WASL: variants seen among roughly 807,000 people sequenced by gnomAD.
WASL encodes the protein actin nucleation-promoting factor WASL.
WASL carries 20 observed loss-of-function variants against 55.5 expected under a neutral mutation model. The observed-to-expected ratio is 0.36, with a 90% CI of 0.25 to 0.52. WASL has a LOEUF of 0.52. Ranked by LOEUF, WASL falls within the 20% of genes least tolerant of loss-of-function variation. The pLI is 0.92. For synonymous variants in WASL, 249 were observed against 217.6 expected, an observed-to-expected ratio of 1.14 and a Z score of -1.27; for missense variants, 504 against 622.5, an observed-to-expected ratio of 0.81 and a Z score of 2.03.
In WASL at chr7:123,686,001, T is replaced by C. The variant is rs115441108; in HGVS notation, c.1457-1421A>G. 5.4e-3 allele frequency among the ~76,000 whole-genome samples: 819 copies of C among 150,562 alleles called. 9 individuals are homozygous for C. The highest frequency in any genetic ancestry group is 0.019 in the African/African-American group (787 of 41,274). ...AGCCAGTAAGACTAGGTGACATACGTGTGGGTTACATGTACAGAACACAGA... is the reference window on the plus strand; with the variant it reads ...AGCCAGTAAGACTAGGTGACATACGCGTGGGTTACATGTACAGAACACAGA... On this transcript the variant is annotated intron_variant, in intron 10 of 10. Coordinates refer to ENST00000223023, the MANE Select transcript of WASL (RefSeq NM_003941.4).
intron 1 of WASL, among the ~76,000 whole-genome samples, chr7:123,714,358 G>A (rs376540960): frequency 6.6e-5 from 10 of 152,074 alleles, no homozygotes; most frequent in African/African-American, 2.2e-4. Context: ...AAAGAAAAGA[G>A]AAAACAAACA....
intron 1 of WASL, among the ~76,000 whole-genome samples, chr7:123,739,937 T>A (rs1804307921): frequency 6.6e-6 from 1 of 150,886 alleles, no homozygotes; most frequent in Non-Finnish European, 1.5e-5. Flanking sequence ...TATATGCTGG[T>A]TTGCAGCATA....
At chr7:123,702,725 G>A (rs756895483) in intron 5 of WASL, among the ~76,000 whole-genome samples, 4 of 152,174 alleles carry the variant, frequency 2.6e-5, no homozygotes, top group Non-Finnish European at 4.4e-5. Context: ...GGTATTATGA[G>A]TACTCTACAG....
intron 1 of WASL, 24 bp downstream of exon 1, chr7:123,748,594 G>C (rs375466768): frequency 6.8e-6 from 11 of 1,610,642 alleles, no homozygotes; most frequent in Non-Finnish European, 8.5e-6. Flanking sequence ...GTCACGGGTG[G>C]CGACGCGGGT....
intron 5 of WASL, among the ~76,000 whole-genome samples, chr7:123,699,170 G>C (rs1025680191): frequency 2.0e-5 from 3 of 152,144 alleles, no homozygotes; most frequent in Non-Finnish European, 4.4e-5. Flanking sequence ...CAGATCATGA[G>C]GTCAGGAGTT....
chr7:123,739,658 G>A (rs1379096075), intron 1 of WASL, among the ~76,000 whole-genome samples: 1 of 152,138 alleles, frequency 6.6e-6, no homozygotes, highest in Non-Finnish European at 1.5e-5. Flanking sequence ...AATGTTTGGT[G>A]GGTTAGGTGT....
chr7:123,723,629 CAATTA>C (rs920027712), intron 1 of WASL, among the ~76,000 whole-genome samples: 1 of 152,174 alleles, frequency 6.6e-6, no homozygotes, highest in African/African-American at 2.4e-5. Flanking sequence ...TAAGCTCAAT[CAATTA>C]AATTAAGATT....
At chr7:123,716,950 C>T (rs1803853942) in intron 1 of WASL, among the ~76,000 whole-genome samples, 1 of 152,172 alleles carries the variant, frequency 6.6e-6, no homozygotes, top group Admixed American at 6.5e-5. Context: ...TCCCAATCAG[C>T]TGCTAATTCT....
At chr7:123,721,016 A>G (rs1803935504) in intron 1 of WASL, among the ~76,000 whole-genome samples, 1 of 152,244 alleles carries the variant, frequency 6.6e-6, no homozygotes, top group Admixed American at 6.5e-5. Context: ...AATTAAAAAT[A>G]AACATTGCTG....
intron 1 of WASL, among the ~76,000 whole-genome samples, chr7:123,743,450 A>G (rs1417741156): frequency 6.6e-6 from 1 of 152,154 alleles, no homozygotes; most frequent in East Asian, 1.9e-4. Flanking sequence ...TTCCTCTTCA[A>G]TTAGCAGCCA....
At chr7:123,701,554 C>T (rs1444318244) in intron 5 of WASL, among the ~76,000 whole-genome samples, 3 of 152,166 alleles carry the variant, frequency 2.0e-5, no homozygotes, top group South Asian at 2.1e-4. Flanking sequence ...TACTGAACTG[C>T]ATTTTAGGAA....
intron 5 of WASL, among the ~76,000 whole-genome samples, chr7:123,702,460 T>G (rs1219158774): frequency 6.6e-6 from 1 of 152,218 alleles, no homozygotes; most frequent in East Asian, 1.9e-4. Flanking sequence ...TCATGGAAAC[T>G]AGATGCCTCT....
At chr7:123,708,405 T>A (rs1469869885) in intron 2 of WASL, among the ~76,000 whole-genome samples, 1 of 152,200 alleles carries the variant, frequency 6.6e-6, no homozygotes, top group Non-Finnish European at 1.5e-5. Flanking sequence ...AAAATCTCAT[T>A]GCACTTATTG....
At chr7:123,706,717 C>T (rs1473152663) in intron 3 of WASL, 23 bp downstream of exon 3, 3 of 1,483,610 alleles carry the variant, frequency 2.0e-6, no homozygotes, top group African/African-American at 1.4e-5. Context: ...GTAAAGATGG[C>T]AATAAAGAAA....
In WASL at chr7:123,684,461, CAG is replaced by C. The variant is rs1803254514; in HGVS notation, c.*56_*57del. On this transcript the variant is annotated 3_prime_UTR_variant, in exon 11 of 11. Coordinates refer to ENST00000223023, the MANE Select transcript of WASL (RefSeq NM_003941.4). ...ATGATAATTTTACAGAATCCACAGA[CAG>C]AAAGTAGTGTTTAGTATTTCACCTT... 2 of 517,886 alleles carry C rather than the reference CAG, an allele frequency of 3.9e-6. No homozygotes were observed. Among genetic ancestry groups the C allele is most frequent in the Non-Finnish European group, 6.7e-6 (2 of 298,094 alleles). The allele number at this position is 517,886 out of a possible 1,614,324, so 32.1% of individuals were successfully genotyped here. A position where few individuals can be genotyped will look rare whatever the true frequency, so the allele number is the denominator to read the frequency against.
chr7:123,685,506 G>A (rs1197505408), intron 10 of WASL, among the ~76,000 whole-genome samples: 2 of 152,004 alleles, frequency 1.3e-5, no homozygotes, highest in African/African-American at 4.8e-5. Flanking sequence ...CTTCCTCAGA[G>A]AGGCCTTTCC....
chr7:123,734,707 C>T lies in WASL; in HGVS notation c.117+13911G>A, dbSNP rs1605286. ...GCAGTTAAACTATTCTGGTATGACA[C>T]TGTAACGGTGGACATGATGTTATGT... On this transcript the variant is annotated intron_variant, in intron 1 of 10. Transcript: ENST00000223023. Among the ~76,000 whole-genome samples, 374 of 151,616 alleles carry T rather than the reference C, an allele frequency of 2.5e-3. 3 individuals carry two copies. The highest frequency in any genetic ancestry group is 8.4e-3 in the African/African-American group (347 of 41,350).
At chr7:123,703,805 G>C (rs1803625815) in intron 5 of WASL, among the ~76,000 whole-genome samples, 1 of 152,146 alleles carries the variant, frequency 6.6e-6, no homozygotes, top group African/African-American at 2.4e-5. Flanking sequence ...CTGATAAGAG[G>C]ATTTGAGATA....
At chr7:123,691,389 AT>A (rs901631777) in intron 9 of WASL, among the ~76,000 whole-genome samples, 1 of 151,802 alleles carries the variant, frequency 6.6e-6, no homozygotes, top group Non-Finnish European at 1.5e-5. Context: ...CTGTTCTTGG[AT>A]TTTTTTTTAA....
Sources: gnomAD v4.1 joint callset for allele counts (sites outside exome capture counted in the v4.1 genomes callset) on GRCh38, gnomAD v4.1.1 for gene constraint, MANE v1.5 for transcripts, NCBI Gene and HGNC (gene_info 2026-07-23, HGNC 2026-07-21) for gene names.